Variants in CFAP299 observed in about 807,000 individuals in gnomAD.
CFAP299 encodes the protein cilia- and flagella-associated protein 299.
Under a neutral mutation model 27.0 loss-of-function variants are expected in CFAP299, and 21 were observed. That is an observed-to-expected ratio of 0.78 (90% confidence interval 0.55 to 1.12). The LOEUF is 1.12. CFAP299 is among the 50% of genes most tolerant of loss of function. The pLI, the probability that CFAP299 is intolerant of heterozygous loss-of-function variation, is 0.00. For synonymous variants in CFAP299, 104 were observed against 98.1 expected (o/e 1.06, Z -0.36); for missense variants, 310 against 276.6 (o/e 1.12, Z -0.86).
intron 3 of CFAP299, among the ~76,000 whole-genome samples, chr4:80,867,251 C>A (rs1732797728): frequency 6.6e-6 from 1 of 151,966 alleles, no homozygotes; most frequent in South Asian, 2.1e-4. Flanking sequence ...TGTGAAAATC[C>A]ATTTTGTCTA....
intron 2 of CFAP299, among the ~76,000 whole-genome samples, chr4:80,527,057 G>A (rs1733224620): frequency 6.6e-6 from 1 of 152,076 alleles, no homozygotes; most frequent in South Asian, 2.1e-4. Flanking sequence ...ATTATTGAGA[G>A]GATAAAATTA....
At chr4:80,858,217 G>C (rs571029424) in intron 3 of CFAP299, among the ~76,000 whole-genome samples, 1 of 152,270 alleles carries the variant, frequency 6.6e-6, no homozygotes, top group East Asian at 1.9e-4. Context: ...AGTATTCTCT[G>C]ATGGTAGTTT....
At chr4:80,504,708 A>G (rs1731928587) in intron 2 of CFAP299, among the ~76,000 whole-genome samples, 1 of 147,904 alleles carries the variant, frequency 6.8e-6, no homozygotes, top group Admixed American at 6.8e-5. Flanking sequence ...TGTAGAAGTG[A>G]GCGATTATGT....
At chr4:80,858,989 T>C (rs1170222244) in intron 3 of CFAP299, among the ~76,000 whole-genome samples, 1 of 152,216 alleles carries the variant, frequency 6.6e-6, no homozygotes, top group Non-Finnish European at 1.5e-5. Flanking sequence ...CTTGTTGATC[T>C]GTCTAATGTT....
chr4:80,937,703 C>G (rs1291564588), intron 4 of CFAP299, among the ~76,000 whole-genome samples: 2 of 152,132 alleles, frequency 1.3e-5, no homozygotes, highest in Non-Finnish European at 1.5e-5. Context: ...TCTATTTTGA[C>G]TGGAAATTTT....
intron 4 of CFAP299, among the ~76,000 whole-genome samples, chr4:80,917,798 C>T (rs765974376): frequency 6.6e-6 from 1 of 152,146 alleles, no homozygotes; most frequent in Non-Finnish European, 1.5e-5. Context: ...TACCAGGATA[C>T]ATCTCACAAC....
intron 3 of CFAP299, among the ~76,000 whole-genome samples, chr4:80,823,554 T>G (rs1198663188): frequency 6.6e-6 from 1 of 152,196 alleles, no homozygotes; most frequent in Non-Finnish European, 1.5e-5. Flanking sequence ...CACTACTGTC[T>G]TTCATCCAGT....
intron 1 of CFAP299, among the ~76,000 whole-genome samples, chr4:80,344,709 A>G (rs997678755): frequency 3.9e-5 from 6 of 152,208 alleles, no homozygotes; most frequent in African/African-American, 9.6e-5. Context: ...CTTCAGTCCA[A>G]TATCCCTGAT....
At chr4:80,473,100 TTACAA>T (rs1440973742) in intron 2 of CFAP299, among the ~76,000 whole-genome samples, 1 of 152,052 alleles carries the variant, frequency 6.6e-6, no homozygotes, top group Non-Finnish European at 1.5e-5. Flanking sequence ...AAGTAGATCA[TTACAA>T]TACAATATTA....
intron 4 of CFAP299, among the ~76,000 whole-genome samples, chr4:80,921,737 G>T (rs138959012): frequency 6.6e-6 from 1 of 152,116 alleles, no homozygotes; most frequent in East Asian, 1.9e-4. Context: ...AAGTCAGATT[G>T]AGTAGATATG....
intron 3 of CFAP299, among the ~76,000 whole-genome samples, chr4:80,861,123 C>T (rs1732317324): frequency 6.6e-6 from 1 of 152,196 alleles, no homozygotes; most frequent in Admixed American, 6.5e-5. Context: ...GGCGGGCGCC[C>T]CTCCCCCAGC....
intron 2 of CFAP299, among the ~76,000 whole-genome samples, chr4:80,504,064 T>C (rs773091761): frequency 1.6e-4 from 25 of 152,074 alleles, no homozygotes; most frequent in Non-Finnish European, 3.2e-4. Context: ...TAATCCAAAC[T>C]GTGTCTAGTG....
At chr4:80,531,357 A>C (rs902666431) in intron 2 of CFAP299, among the ~76,000 whole-genome samples, 1 of 152,220 alleles carries the variant, frequency 6.6e-6, no homozygotes, top group Non-Finnish European at 1.5e-5. Flanking sequence ...TGTATAGTGC[A>C]TAATTTTAAG....
chr4:80,581,464 A>ATATATATATATATATATATATATATATG (rs1560636531), intron 2 of CFAP299, among the ~76,000 whole-genome samples: 4 of 133,378 alleles, frequency 3.0e-5, no homozygotes, highest in African/African-American at 1.2e-4. Flanking sequence ...ATATATATAT[A>ATATATATATATATATATATATATATATG]TATATATATA....
intron 1 of CFAP299, among the ~76,000 whole-genome samples, chr4:80,360,459 C>T (rs535649496): frequency 5.8e-4 from 89 of 152,288 alleles, no homozygotes; most frequent in African/African-American, 1.9e-3. Context: ...CACCCACACA[C>T]GTCAGGAGCA....
At chr4:80,799,527 A>AT (rs1728147273) in intron 3 of CFAP299, among the ~76,000 whole-genome samples, 1 of 78,914 alleles carries the variant, frequency 1.3e-5, no homozygotes, top group Non-Finnish European at 2.2e-5. Context: ...TATATAATAT[A>AT]TAATATATTT....
At chr4:80,726,199 G>A (rs1723150171) in intron 3 of CFAP299, among the ~76,000 whole-genome samples, 1 of 152,252 alleles carries the variant, frequency 6.6e-6, no homozygotes, top group African/African-American at 2.4e-5. Flanking sequence ...TCCAGAAAGA[G>A]TAAAGGTAAA....
At chr4:80,816,955 A>G (rs1336472274) in intron 3 of CFAP299, among the ~76,000 whole-genome samples, 1 of 152,116 alleles carries the variant, frequency 6.6e-6, no homozygotes, top group African/African-American at 2.4e-5. Flanking sequence ...CACAGGTTGG[A>G]CAAGCTTGGT....
chr4:80,630,672 A>G (rs1028316763), intron 3 of CFAP299, among the ~76,000 whole-genome samples: 19 of 152,220 alleles, frequency 1.2e-4, no homozygotes, highest in African/African-American at 4.6e-4. Flanking sequence ...ATTATGCAGT[A>G]CAAGGGATTA....
Sources: gnomAD v4.1 joint callset for allele counts (sites outside exome capture counted in the v4.1 genomes callset) on GRCh38, gnomAD v4.1.1 for gene constraint, MANE v1.5 for transcripts, NCBI Gene and HGNC (gene_info 2026-07-23, HGNC 2026-07-21) for gene names.